The following EIF4ENIF1 variants were observed in gnomAD, a reference collection of about 807,000 sequenced individuals.
EIF4ENIF1 encodes eukaryotic translation initiation factor 4E nuclear import factor 1.
A neutral mutation model predicts 110.5 loss-of-function variants in EIF4ENIF1; 23 were observed. That is an observed-to-expected ratio of 0.21 (90% confidence interval 0.15 to 0.29). The LOEUF is 0.29. EIF4ENIF1 is among the 10% of genes least tolerant of loss of function. The pLI is 1.00. For missense variants in EIF4ENIF1, 1,031 were observed against 1,221.1 expected (o/e 0.84, Z 2.32); for synonymous variants, 440 against 437.0 (o/e 1.01, Z -0.09).
At chr22:31,457,832 T>G (rs2050874824) in intron 7 of EIF4ENIF1, among the ~76,000 whole-genome samples, 1 of 152,222 alleles carries the variant, frequency 6.6e-6, no homozygotes, top group Non-Finnish European at 1.5e-5. Context: ...AGTGCACTAA[T>G]TTTGTATTAA....
intron 13 of EIF4ENIF1, 66 bp downstream of exon 13, chr22:31,448,087 C>T: frequency 2.6e-6 from 4 of 1,551,782 alleles, no homozygotes; most frequent in Non-Finnish European, 2.7e-6. Flanking sequence ...TTCAGCTCTC[C>T]ACTCCCCATG....
chr22:31,462,254 G>A (rs1030089926), intron 6 of EIF4ENIF1, among the ~76,000 whole-genome samples: 5 of 152,034 alleles, frequency 3.3e-5, no homozygotes, highest in South Asian at 2.1e-4. Flanking sequence ...ATGCCGAGGC[G>A]GGTGATCACC....
At position 31,440,948 on chromosome 22, in the gene EIF4ENIF1, G is replaced by C. The variant is rs1002945462; in HGVS notation, c.2552-80C>G. 3.2e-5 allele frequency: 50 copies of C among 1,555,508 alleles called. 1 individual carries two copies. The Middle Eastern group carries it at 8.4e-4, about 26-fold the overall frequency. ...TCCAGCTTCACTGTACAGTTTTGCT[G>C]ATCTGGAAGTTTGTTAAGAATGAAG... On this transcript the variant is annotated intron_variant, in intron 17 of 18. Transcript: ENST00000330125.
chr22:31,450,230 A>C, intron 11 of EIF4ENIF1, 59 bp downstream of exon 11: 1 of 1,445,294 alleles, frequency 6.9e-7, no homozygotes, highest in Admixed American at 1.8e-5. Context: ...ACTAAGCAAA[A>C]CTGGTTCAGA....
At chr22:31,478,869 G>A (rs1384685450) in intron 2 of EIF4ENIF1, among the ~76,000 whole-genome samples, 1 of 150,532 alleles carries the variant, frequency 6.6e-6, no homozygotes, top group Non-Finnish European at 1.5e-5. Flanking sequence ...GGAGAATAGC[G>A]TGAACCCGGG....
chr22:31,449,337 A>C lies in EIF4ENIF1; in HGVS notation c.1768+11T>G. ...AAATTCATATTTCTTTTGACAAATA[A>C]GTATATTTACCAATTGGTGATGGTA... On this transcript the variant is annotated intron_variant, in intron 12 of 18. Transcript: ENST00000330125. 4 of 1,611,412 alleles carry C rather than the reference A, an allele frequency of 2.5e-6. No individual in the cohort carries two copies. The highest frequency in any genetic ancestry group is 2.5e-6 in the Non-Finnish European group (3 of 1,178,786).
intron 17 of EIF4ENIF1, 90 bp from the exon 18 acceptor site, chr22:31,440,958 TTTG>T: frequency 2.0e-6 from 3 of 1,537,548 alleles, no homozygotes; most frequent in Non-Finnish European, 2.6e-6. Context: ...GATCTGGAAG[TTTG>T]TTAAGAATGA....
intron 2 of EIF4ENIF1, among the ~76,000 whole-genome samples, chr22:31,488,166 T>TA (rs552214245): frequency 7.9e-5 from 12 of 151,664 alleles, no homozygotes; most frequent in South Asian, 4.2e-4. Context: ...TAATAGAAAA[T>TA]AAAAAAACAG....
intron 5 of EIF4ENIF1, 138 bp downstream of exon 5, chr22:31,463,543 A>C: frequency 3.7e-6 from 3 of 812,746 alleles, no homozygotes; most frequent in Non-Finnish European, 5.6e-6. Flanking sequence ...TTAGCCGGGT[A>C]TGGTGGTGCG....
At chr22:31,443,299 AC>A in intron 15 of EIF4ENIF1, 2 of 627,990 alleles carry the variant, frequency 3.2e-6, no homozygotes, top group Non-Finnish European at 5.2e-6. Flanking sequence ...CTTGCTTACA[AC>A]TGTGTGATAA....
intron 2 of EIF4ENIF1, among the ~76,000 whole-genome samples, chr22:31,481,938 G>A (rs1347376725): frequency 6.6e-6 from 1 of 152,164 alleles, no homozygotes; most frequent in Non-Finnish European, 1.5e-5. Flanking sequence ...AGGAGGCTGA[G>A]GCAGGAGGAT....
chr22:31,449,199 G>A (rs546475346), intron 12 of EIF4ENIF1, 149 bp downstream of exon 12: 2 of 673,912 alleles, frequency 3.0e-6, no homozygotes, highest in African/African-American at 1.8e-5. Context: ...TAGTAGAGAT[G>A]GGGTTTCACC....
chr22:31,464,725 TA>T lies in EIF4ENIF1; in HGVS notation c.299-759del, dbSNP rs1569088950. On this transcript the variant is annotated intron_variant, in intron 4 of 18. Coordinates refer to ENST00000330125, the MANE Select transcript of EIF4ENIF1 (RefSeq NM_019843.4). ...ATATATATATATATATATATATATA[TA>T]AACAGATATATACAAAAATTAATTC... 3.5e-3 allele frequency among the ~76,000 whole-genome samples: 317 copies of T among 90,072 alleles called. 43 individuals carry two copies. The highest frequency in any genetic ancestry group is 0.014 in the East Asian group (51 of 3,624). The allele number at this position is 90,072 out of a possible 152,430, so 59.1% of individuals were successfully genotyped here. A position where few individuals can be genotyped will look rare whatever the true frequency, so the allele number is the denominator to read the frequency against.
chr22:31,462,834 C>T (rs780334148), intron 6 of EIF4ENIF1, 98 bp downstream of exon 6: 17 of 1,269,138 alleles, frequency 1.3e-5, no homozygotes, highest in African/African-American at 5.9e-5. Context: ...CCGCCCACCT[C>T]GGCCTCCCAA....
At chr22:31,455,653 C>T (rs2050792530) in intron 8 of EIF4ENIF1, among the ~76,000 whole-genome samples, 199 bp downstream of exon 8, 1 of 152,178 alleles carries the variant, frequency 6.6e-6, no homozygotes, top group Non-Finnish European at 1.5e-5. Context: ...CTGCCTTGGC[C>T]TCCCAAAGTG....
intron 4 of EIF4ENIF1, among the ~76,000 whole-genome samples, chr22:31,467,627 A>G (rs2051234028): frequency 1.3e-5 from 2 of 152,122 alleles, no homozygotes; most frequent in Admixed American, 6.5e-5. Flanking sequence ...GTTCAAGACC[A>G]GCCTGGCCAA....
chr22:31,464,758 G>T (rs2051131159), intron 4 of EIF4ENIF1, among the ~76,000 whole-genome samples: 1 of 113,884 alleles, frequency 8.8e-6, no homozygotes. Flanking sequence ...ATTCAAAATG[G>T]ATCACAGATC....
Position 31,462,964 on chromosome 22 carries a change from C to T in EIF4ENIF1, c.755G>A (p.Arg252Lys), listed in dbSNP as rs2051045628. 6.2e-7 allele frequency: 1 copy of T among 1,614,062 alleles called. No homozygotes were observed. The highest frequency in any genetic ancestry group is 8.5e-7 in the Non-Finnish European group (1 of 1,179,994). Residue 252 changes from arginine to lysine, a missense_variant, in exon 6 of 19, where the codon AGA (arginine) becomes AAA (lysine). Transcript: ENST00000330125. ...ILEEDHKGRK[R>K]TRRRTASVKE... Reference sequence around the variant, plus strand: ...CACAGAGGCTGTCCGTCGCCTTGTTCTTTTTCTCCCTTTGTGATCTTCTTC... The same window carrying T: ...CACAGAGGCTGTCCGTCGCCTTGTTTTTTTTCTCCCTTTGTGATCTTCTTC...
At chr22:31,461,278 C>T (rs2050985305) in intron 6 of EIF4ENIF1, among the ~76,000 whole-genome samples, 3 of 152,188 alleles carry the variant, frequency 2.0e-5, no homozygotes, top group African/African-American at 7.2e-5. Context: ...GACCATCAGC[C>T]TGGGACTGGC....
Sources: gnomAD v4.1 joint callset for allele counts (sites outside exome capture counted in the v4.1 genomes callset) on GRCh38, gnomAD v4.1.1 for gene constraint, MANE v1.5 for transcripts, NCBI Gene and HGNC (gene_info 2026-07-23, HGNC 2026-07-21) for gene names.